Variants in GRM8 observed in about 807,000 individuals in gnomAD.
GRM8 encodes glutamate metabotropic receptor 8.
GRM8 carries 47 observed loss-of-function variants against 87.2 expected under a neutral mutation model. The ratio of observed to expected loss-of-function variants is 0.54; its 90% CI spans 0.43 to 0.69. GRM8 has a LOEUF of 0.69. GRM8 is among the 30% of genes least tolerant of loss of function. The pLI is 0.00. For missense variants in GRM8, 1,019 were observed against 1,139.2 expected, an observed-to-expected ratio of 0.89 and a Z score of 1.52; for synonymous variants, 396 against 404.5, an observed-to-expected ratio of 0.98 and a Z score of 0.25.
chr7:127,084,687 T>A (rs1230133684), intron 3 of GRM8: 1 of 152,184 alleles, frequency 6.6e-6, no homozygotes, highest in Non-Finnish European at 1.5e-5. Flanking sequence ...TAAGCCTCAC[T>A]CACCTTGGCC....
At chr7:126,761,168 A>C (rs1467483463) in intron 7 of GRM8, among the ~76,000 whole-genome samples, 3 of 152,152 alleles carry the variant, frequency 2.0e-5, no homozygotes, top group Non-Finnish European at 4.4e-5. Flanking sequence ...ACTGCACTCC[A>C]GCCTGGGTGA....
chr7:127,110,037 A>C (rs1438254352), intron 2 of GRM8, among the ~76,000 whole-genome samples: 2 of 152,038 alleles, frequency 1.3e-5, no homozygotes, highest in Non-Finnish European at 2.9e-5. Flanking sequence ...TATTTATCCC[A>C]CAGTTTCTTT....
intron 3 of GRM8, among the ~76,000 whole-genome samples, chr7:127,013,087 T>C (rs920321978): frequency 6.6e-6 from 1 of 152,146 alleles, no homozygotes; most frequent in Non-Finnish European, 1.5e-5. Flanking sequence ...ATCCTTGTGG[T>C]TGAAACCACT....
At position 126,604,486 on chromosome 7, in the gene GRM8, A is replaced by T. The variant is rs563140920; in HGVS notation, c.1494+4876T>A. On this transcript the variant is annotated intron_variant, in intron 8 of 10. Coordinates refer to ENST00000339582, the MANE Select transcript of GRM8 (RefSeq NM_000845.3). ...ATAGTAGGCTGGTTGTACTGGCAAA[A>T]CAAAACAAAAATTATTATTATCACA... 6.1e-4 allele frequency among the ~76,000 whole-genome samples: 93 copies of T among 152,286 alleles called. 1 individual carries two copies. Among genetic ancestry groups the T allele is most frequent in the Middle Eastern group, 6.8e-3 (2 of 294 alleles).
intron 6 of GRM8, among the ~76,000 whole-genome samples, chr7:126,885,856 C>G (rs1298119088): frequency 6.6e-6 from 1 of 152,112 alleles, no homozygotes. Context: ...TTTGTAATCA[C>G]AATAAAGTTT....
At chr7:127,238,276 C>T (rs909555560) in intron 2 of GRM8, among the ~76,000 whole-genome samples, 2 of 151,582 alleles carry the variant, frequency 1.3e-5, no homozygotes, top group Non-Finnish European at 2.9e-5. Flanking sequence ...TGCTCTGCCC[C>T]ATGTTAGCTG....
At chr7:127,014,414 T>G (rs1380668204) in intron 3 of GRM8, among the ~76,000 whole-genome samples, 1 of 152,096 alleles carries the variant, frequency 6.6e-6, no homozygotes, top group Non-Finnish European at 1.5e-5. Flanking sequence ...TTCTACAAAT[T>G]CAATGTCTCA....
intron 2 of GRM8, among the ~76,000 whole-genome samples, chr7:127,182,341 A>C (rs1207660005): frequency 6.6e-6 from 1 of 152,054 alleles, no homozygotes; most frequent in African/African-American, 2.4e-5. Context: ...AAAATCAAAA[A>C]CAGTAGATGT....
chr7:126,995,473 G>T (rs914837944), intron 3 of GRM8, among the ~76,000 whole-genome samples: 1 of 152,070 alleles, frequency 6.6e-6, no homozygotes, highest in Non-Finnish European at 1.5e-5. Context: ...ACACAAAGAA[G>T]AATTCAGAAT....
chr7:126,941,813 C>T (rs1184718055), intron 3 of GRM8, among the ~76,000 whole-genome samples: 1 of 152,142 alleles, frequency 6.6e-6, no homozygotes, highest in African/African-American at 2.4e-5. Flanking sequence ...AAAATCACAT[C>T]TACCTAGAAA....
At chr7:126,472,785 C>A (rs192416126) in intron 9 of GRM8, among the ~76,000 whole-genome samples, 9 of 152,282 alleles carry the variant, frequency 5.9e-5, no homozygotes, top group African/African-American at 2.2e-4. Flanking sequence ...TGGGCAGAGC[C>A]CAGGGCCCTA....
At chr7:126,484,929 CA>C (rs1563058840) in intron 9 of GRM8, among the ~76,000 whole-genome samples, 1 of 149,858 alleles carries the variant, frequency 6.7e-6, no homozygotes, top group African/African-American at 2.5e-5. Context: ...TGCATGTAAA[CA>C]AGGAGGAAAA....
At chr7:126,668,095 C>T (rs1006467578) in intron 7 of GRM8, among the ~76,000 whole-genome samples, 9 of 152,090 alleles carry the variant, frequency 5.9e-5, no homozygotes, top group Non-Finnish European at 1.3e-4. Flanking sequence ...GGTGAGGAGC[C>T]GGGCTCCTCC....
At chr7:127,155,563 A>T (rs11563701) in intron 2 of GRM8, among the ~76,000 whole-genome samples, 1 of 152,004 alleles carries the variant, frequency 6.6e-6, no homozygotes, top group African/African-American at 2.4e-5. Context: ...TGAGTTACCA[A>T]GTGGACTGAG....
chr7:126,658,178 CAT>C (rs1243513837), intron 7 of GRM8, among the ~76,000 whole-genome samples: 2 of 152,200 alleles, frequency 1.3e-5, no homozygotes, highest in Non-Finnish European at 2.9e-5. Flanking sequence ...GATGGCATAA[CAT>C]ATGCTGAGGC....
chr7:127,028,967 G>A (rs1315260725), intron 3 of GRM8, among the ~76,000 whole-genome samples: 1 of 152,026 alleles, frequency 6.6e-6, no homozygotes, highest in South Asian at 2.1e-4. Context: ...TCTTTTGTGG[G>A]CATTTAGTGC....
chr7:126,741,510 T>C (rs1273369225), intron 7 of GRM8, among the ~76,000 whole-genome samples: 2 of 152,104 alleles, frequency 1.3e-5, no homozygotes, highest in African/African-American at 4.8e-5. Context: ...CTGCTTACCC[T>C]GGGAACAGGC....
chr7:126,928,938 C>T (rs1328769299), intron 3 of GRM8, among the ~76,000 whole-genome samples: 4 of 152,270 alleles, frequency 2.6e-5, no homozygotes, highest in Middle Eastern at 6.8e-3. Context: ...TCAGAGAATC[C>T]TCTTGCAGGT....
rs540736102 is a variant in GRM8, at chr7:126,499,594, A to C, written c.2430+33358T>G. Among the ~76,000 whole-genome samples the C allele has an allele frequency of 3.3e-5, 5 of 151,870 alleles. No homozygotes were observed. The South Asian group carries it at 1.0e-3, about 31-fold the overall frequency. On this transcript the variant is annotated intron_variant, in intron 9 of 10. Transcript: ENST00000339582. Reference sequence around the variant, plus strand: ...GAGTATTTCTACACAGTGAAATACTATTCGGCCTTTAAAAAAAAGGGAATG... The same window carrying C: ...GAGTATTTCTACACAGTGAAATACTCTTCGGCCTTTAAAAAAAAGGGAATG...
Sources: allele counts gnomAD v4.1 joint callset (sites outside exome capture counted in the v4.1 genomes callset), GRCh38; gene constraint gnomAD v4.1.1; transcripts MANE v1.5; gene names NCBI Gene and HGNC (gene_info 2026-07-23, HGNC 2026-07-21).